The following IFT122 variants were observed in gnomAD, a reference collection of about 807,000 sequenced individuals.
IFT122 encodes the protein intraflagellar transport protein 122 homolog.
A neutral mutation model predicts 161.6 loss-of-function variants in IFT122; 118 were observed. That is an observed-to-expected ratio of 0.73 (90% CI 0.63 to 0.85). The LOEUF is 0.85. Ranked by LOEUF, IFT122 falls within the 40% of genes least tolerant of loss-of-function variation. The pLI is 0.00. For missense variants in IFT122, 1,381 were observed against 1,579.6 expected (o/e 0.87, Z 2.13); for synonymous variants, 550 against 602.4 (o/e 0.91, Z 1.27).
intron 22 of IFT122, 39 bp from the exon 23 acceptor site, chr3:129,507,629 G>A (rs1232474147): frequency 6.5e-7 from 1 of 1,544,106 alleles, no homozygotes; most frequent in South Asian, 1.1e-5. Flanking sequence ...CACAGACACT[G>A]TTTGACACGT....
intron 21 of IFT122, 109 bp downstream of exon 21, chr3:129,504,530 A>G: frequency 1.2e-6 from 1 of 854,480 alleles, no homozygotes; most frequent in East Asian, 2.5e-5. Flanking sequence ...CCCAAGATAG[A>G]TGACTTCATC....
chr3:129,463,333 A>G, intron 5 of IFT122: 1 of 500,422 alleles, frequency 2.0e-6, no homozygotes, highest in Non-Finnish European at 3.6e-6. Context: ...GTTATCTCCA[A>G]ACCCTGGTAA....
chr3:129,494,442 AATG>A (rs1322152100), intron 17 of IFT122, among the ~76,000 whole-genome samples: 7 of 152,194 alleles, frequency 4.6e-5, no homozygotes, highest in Non-Finnish European at 1.0e-4. Flanking sequence ...AGGTTTTTAG[AATG>A]ATAATTTCTG....
chr3:129,503,042 G>C (rs2081769892), intron 20 of IFT122, among the ~76,000 whole-genome samples, 160 bp downstream of exon 20: 1 of 152,218 alleles, frequency 6.6e-6, no homozygotes, highest in South Asian at 2.1e-4. Context: ...CGAATTCTCT[G>C]AGCCACAGAA....
At chr3:129,517,039 GCA>G (rs747461940) in intron 26 of IFT122, among the ~76,000 whole-genome samples, 143 of 76,110 alleles carry the variant, frequency 1.9e-3, no homozygotes, top group East Asian at 0.016. Flanking sequence ...GATTGCTCCT[GCA>G]CACACACACA....
chr3:129,486,780 A>G (rs779420817), intron 15 of IFT122, among the ~76,000 whole-genome samples: 1 of 152,222 alleles, frequency 6.6e-6, no homozygotes, highest in Non-Finnish European at 1.5e-5. Flanking sequence ...TCCTTTGCCC[A>G]TGGTAGCCTG....
At chr3:129,516,047 C>G (rs1282065031) in intron 26 of IFT122, among the ~76,000 whole-genome samples, 4 of 150,732 alleles carry the variant, frequency 2.7e-5, no homozygotes, top group African/African-American at 9.8e-5. Context: ...AGAAACTGCC[C>G]CTGCACACAC....
At position 129,476,476 on chromosome 3, in the gene IFT122, G is replaced by A. The variant is rs781409395; in HGVS notation, c.978G>A (p.Thr326=). The change falls in exon 10 of 30, where the codon ACG becomes ACA. Residue 326 remains threonine, a synonymous_variant. Coordinates refer to ENST00000348417, the MANE Select transcript of IFT122 (RefSeq NM_052989.3). ...TVGEQNSWVW[T]CQAKPDSNYV... is the part of the protein sequence containing the mutation. ...GGGAGCAGAACTCCTGGGTGTGGAC[G>A]TGTCAAGCGAAACCGGATTCCAACT... 2.2e-5 allele frequency: 36 copies of A among 1,614,008 alleles called. No individual in the cohort carries two copies. The Admixed American group carries it at 5.0e-4, about 22-fold the overall frequency.
intron 21 of IFT122, 59 bp downstream of exon 21, chr3:129,504,480 A>T: frequency 7.3e-7 from 1 of 1,374,262 alleles, no homozygotes; most frequent in South Asian, 1.2e-5. Context: ...GCCAAGACAT[A>T]CATTTCAGGA....
intron 1 of IFT122, among the ~76,000 whole-genome samples, chr3:129,440,908 A>G (rs1444220559): frequency 1.3e-5 from 2 of 152,210 alleles, no homozygotes; most frequent in Non-Finnish European, 2.9e-5. Context: ...ACAAAACTGA[A>G]CAAGCTGTAG....
chr3:129,506,345 T>A, intron 21 of IFT122, 64 bp from the exon 22 acceptor site: 2 of 1,593,378 alleles, frequency 1.3e-6, no homozygotes, highest in Non-Finnish European at 1.7e-6. Context: ...CAGAGCTCCA[T>A]CCTGCCTCCT....
chr3:129,519,048 G>A, intron 27 of IFT122, 59 bp from the exon 28 acceptor site: 1 of 1,431,870 alleles, frequency 7.0e-7, no homozygotes, highest in Non-Finnish European at 9.9e-7. Flanking sequence ...GTGTAGGGTG[G>A]AGGCTAGGGT....
intron 1 of IFT122, among the ~76,000 whole-genome samples, chr3:129,446,023 A>C (rs2073944631): frequency 6.6e-6 from 1 of 152,292 alleles, no homozygotes; most frequent in East Asian, 1.9e-4. Context: ...GTTTCAGGCC[A>C]TGATGGGAAA....
rs942762488 is a variant in IFT122 at position 129,447,852 on chromosome 3, C to T, written c.42-2019C>T. Among the ~76,000 whole-genome samples the T allele has an allele frequency of 6.6e-5, 10 of 152,188 alleles. No individual in the cohort carries two copies. The East Asian group carries it at 7.7e-4, about 12-fold the overall frequency. On this transcript the variant is annotated intron_variant, in intron 1 of 29. Coordinates refer to ENST00000348417, the MANE Select transcript of IFT122 (RefSeq NM_052989.3). Reference sequence around the variant, plus strand: ...TTAAAGTCTGTGTTGATATTAATGCCGGAGAGGTACAATGAGGCATGTCAG... The same window carrying T: ...TTAAAGTCTGTGTTGATATTAATGCTGGAGAGGTACAATGAGGCATGTCAG...
chr3:129,451,012 G>A (rs1314994927), intron 2 of IFT122, among the ~76,000 whole-genome samples: 3 of 152,012 alleles, frequency 2.0e-5, no homozygotes, highest in Admixed American at 6.6e-5. Flanking sequence ...GAGCCACCGC[G>A]CCCGGCCAGA....
intron 26 of IFT122, among the ~76,000 whole-genome samples, 168 bp from the exon 27 acceptor site, chr3:129,517,301 C>CACACAG (rs1418736660): frequency 3.5e-4 from 44 of 125,460 alleles, no homozygotes; most frequent in African/African-American, 1.3e-3. Context: ...CACACACACA[C>CACACAG]AGAGACTGCT....
rs147268604 is a variant in IFT122, at chr3:129,515,863, A to G, written c.3265+264A>G. ...GGCTTTACATAACCAAATGCCCCAGAAAGAGAGTCCGATGGCTTTGCATTC... is the reference window on the plus strand; with the variant it reads ...GGCTTTACATAACCAAATGCCCCAGGAAGAGAGTCCGATGGCTTTGCATTC... On this transcript the variant is annotated intron_variant, in intron 26 of 29. Coordinates refer to ENST00000348417, the MANE Select transcript of IFT122 (RefSeq NM_052989.3). Among the ~76,000 whole-genome samples the G allele has an allele frequency of 0.011, 1,648 of 152,236 alleles. 34 individuals carry two copies. Among genetic ancestry groups the G allele is most frequent in the African/African-American group, 0.036 (1,512 of 41,494 alleles).
chr3:129,476,680 C>CG lies in IFT122; in HGVS notation c.1028dup (p.Thr344HisfsTer25). 6.2e-7 allele frequency: 1 copy of CG among 1,614,210 alleles called. No individual in the cohort carries two copies. The highest frequency in any genetic ancestry group is 2.2e-5 in the East Asian group (1 of 44,878). ...CCCCGCAGGTGGTCGGCTGCCAGGA[C>CG]GGCACCATTTCCTTCTACCAGCTTA... On this transcript the variant is annotated frameshift_variant, in exon 11 of 30. Transcript: ENST00000348417. LOFTEE classifies it high-confidence loss of function.
intron 9 of IFT122, among the ~76,000 whole-genome samples, chr3:129,471,235 A>G (rs1276093348): frequency 2.6e-5 from 4 of 152,180 alleles, no homozygotes; most frequent in African/African-American, 2.4e-5. Context: ...CTTTTGGGCC[A>G]TTTCTTCTAC....
Sources: allele counts gnomAD v4.1 joint callset (sites outside exome capture counted in the v4.1 genomes callset), GRCh38; gene constraint gnomAD v4.1.1; transcripts MANE v1.5; gene names NCBI Gene and HGNC (gene_info 2026-07-23, HGNC 2026-07-21).